SHC4: variants seen among roughly 807,000 people sequenced by gnomAD.
SHC4 encodes the protein SHC adaptor protein 4.
A neutral mutation model predicts 69.4 loss-of-function variants in SHC4; 41 were observed. The ratio of observed to expected loss-of-function variants is 0.59; its 90% CI spans 0.46 to 0.77. SHC4 has a LOEUF of 0.77. Among genes scored for constraint, SHC4 ranks in the 30% least tolerant of loss-of-function variants. The probability of loss-of-function intolerance (pLI) is 0.00; values close to 1 mark genes in which losing one functional copy is unlikely to be tolerated. For synonymous variants in SHC4, 318 were observed against 299.3 expected, an observed-to-expected ratio of 1.06 and a Z score of -0.64; for missense variants, 777 against 783.8, an observed-to-expected ratio of 0.99 and a Z score of 0.10.
chr15:48,958,250 C>T (rs1172393854), intron 1 of SHC4, among the ~76,000 whole-genome samples: 1 of 152,234 alleles, frequency 6.6e-6, no homozygotes, highest in East Asian at 1.9e-4. Flanking sequence ...GGCTATCCTG[C>T]ACAGTGTGGC....
chr15:48,838,946 GT>G (rs1257947053), intron 10 of SHC4, among the ~76,000 whole-genome samples: 1 of 151,862 alleles, frequency 6.6e-6, no homozygotes, highest in African/African-American at 2.4e-5. Context: ...TATAATAGAT[GT>G]TGGATAAAAA....
At chr15:48,831,629 C>G (rs185828901) in intron 11 of SHC4, among the ~76,000 whole-genome samples, 117 of 152,278 alleles carry the variant, frequency 7.7e-4, no homozygotes, top group African/African-American at 2.7e-3. Context: ...TACATATATT[C>G]AAAAATGTTT....
intron 6 of SHC4, among the ~76,000 whole-genome samples, chr15:48,864,213 T>C (rs909413788): frequency 6.6e-6 from 1 of 152,136 alleles, no homozygotes; most frequent in Non-Finnish European, 1.5e-5. Context: ...GCATATGATA[T>C]CTCATTAAAT....
At chr15:48,840,279 C>T (rs535374848) in intron 10 of SHC4, among the ~76,000 whole-genome samples, 1 of 152,292 alleles carries the variant, frequency 6.6e-6, no homozygotes, top group South Asian at 2.1e-4. Flanking sequence ...GCAACTGAGA[C>T]AGAAACTAAC....
Position 48,872,105 on chromosome 15 carries a change from GC to G in SHC4, c.877del (p.Ala293ProfsTer15), listed in dbSNP as rs772662986. 108 of 1,594,066 alleles carry G rather than the reference GC, an allele frequency of 6.8e-5. No individual in the cohort carries two copies. The highest frequency in any genetic ancestry group is 6.0e-6 in the Non-Finnish European group (7 of 1,167,190). On this transcript the variant is annotated frameshift_variant, in exon 5 of 12. Transcript: ENST00000332408. LOFTEE classifies it high-confidence loss of function. ...ANHHMQSISFASGGDPDTTDY... is the reference protein window; with the variant it reads ...ANHHMQSISFXSGGDPDTTDY... ...CATACTTACAGGATCCCCTCCAGAG[GC>G]AAATGAAATAGACTGCATATGATGA... is the stretch of plus-strand genomic sequence containing the variant.
chr15:48,930,255 CAT>C (rs1047361703), intron 1 of SHC4, among the ~76,000 whole-genome samples: 5 of 152,274 alleles, frequency 3.3e-5, no homozygotes, highest in East Asian at 3.9e-4. Context: ...TAAGTGTAAA[CAT>C]ATTTATTTTT....
chr15:48,835,632 A>C (rs1431018404), intron 10 of SHC4, among the ~76,000 whole-genome samples: 3 of 152,180 alleles, frequency 2.0e-5, no homozygotes, highest in Admixed American at 2.0e-4. Context: ...ATGAGGTAAA[A>C]GAAGACAAAT....
At position 48,825,076 on chromosome 15, in the gene SHC4, A is replaced by T. The variant is rs929097332; in HGVS notation, c.*895T>A. 2.6e-5 allele frequency: 4 copies of T among 152,570 alleles called. No homozygotes were observed. Among genetic ancestry groups the T allele is most frequent in the African/African-American group, 9.7e-5 (4 of 41,442 alleles). The allele number at this position is 152,570 out of a possible 1,614,324, so 9.5% of individuals were successfully genotyped here. ...GATTCTGTACTTTTACTAAGAATGAAACCAATTTGAATAGTAAATATGAAG... is the reference window on the plus strand; with the variant it reads ...GATTCTGTACTTTTACTAAGAATGATACCAATTTGAATAGTAAATATGAAG... On this transcript the variant is annotated 3_prime_UTR_variant, in exon 12 of 12. Transcript: ENST00000332408.
intron 9 of SHC4, among the ~76,000 whole-genome samples, chr15:48,845,824 A>G (rs1440013062): frequency 6.6e-6 from 1 of 152,208 alleles, no homozygotes; most frequent in African/African-American, 2.4e-5. Context: ...TTTATTTATC[A>G]TCTACTCTAA....
chr15:48,858,174 G>A (rs1899368657), intron 6 of SHC4, among the ~76,000 whole-genome samples: 1 of 152,208 alleles, frequency 6.6e-6, no homozygotes, highest in Non-Finnish European at 1.5e-5. Context: ...AATCTACACA[G>A]AAGGCGAAGT....
chr15:48,842,484 T>G (rs891000233), intron 10 of SHC4, among the ~76,000 whole-genome samples: 2 of 152,210 alleles, frequency 1.3e-5, no homozygotes, highest in Admixed American at 6.5e-5. Context: ...TTCTAAACCT[T>G]GAAACCTAAA....
intron 3 of SHC4, among the ~76,000 whole-genome samples, chr15:48,886,406 A>C (rs1317595168): frequency 6.6e-5 from 10 of 152,186 alleles, no homozygotes. Context: ...AAATGTCCAA[A>C]ATGTATTTAT....
At chr15:48,848,003 A>T (rs1380869803) in intron 9 of SHC4, among the ~76,000 whole-genome samples, 1 of 147,672 alleles carries the variant, frequency 6.8e-6, no homozygotes, top group African/African-American at 2.5e-5. Flanking sequence ...ACTCCGTCTA[A>T]AAAAAAAAAA....
At chr15:48,861,452 T>C (rs114917791) in intron 6 of SHC4, among the ~76,000 whole-genome samples, 314 of 152,346 alleles carry the variant, frequency 2.1e-3, no homozygotes, top group African/African-American at 7.2e-3. Context: ...TCTATGGAAA[T>C]GGTCTTTTTT....
intron 5 of SHC4, 28 bp downstream of exon 5, chr15:48,872,061 A>G: frequency 6.8e-7 from 1 of 1,471,030 alleles, no homozygotes; most frequent in Non-Finnish European, 9.4e-7. Context: ...TTAACTCATA[A>G]AAAGAACTTC....
chr15:48,857,944 C>T lies in SHC4; in HGVS notation c.947-129G>A, dbSNP rs115453494. On this transcript the variant is annotated intron_variant, in intron 6 of 11. Transcript: ENST00000332408. Reference sequence around the variant, plus strand: ...AGGGAGCAGGATTACAAGCTCTCTGCAGCCATGAAATGATATAAAGAATAC... The same window carrying T: ...AGGGAGCAGGATTACAAGCTCTCTGTAGCCATGAAATGATATAAAGAATAC... 1,547 of 618,140 alleles carry T rather than the reference C, an allele frequency of 2.5e-3. 25 individuals are homozygous for T. The African/African-American group carries it at 0.027, about 11-fold the overall frequency. 38.3% of individuals were successfully genotyped at this position (618,140 alleles called of 1,614,324 possible).
chr15:48,879,821 A>T (rs1362650703), intron 4 of SHC4: 1 of 167,092 alleles, frequency 6.0e-6, no homozygotes, highest in Non-Finnish European at 1.5e-5. Context: ...TTTGGCTAAT[A>T]GTATTGCATA....
At chr15:48,853,112 A>G (rs1042576398) in intron 8 of SHC4, among the ~76,000 whole-genome samples, 3 of 152,120 alleles carry the variant, frequency 2.0e-5, no homozygotes, top group Non-Finnish European at 4.4e-5. Context: ...GGCTCCTGGA[A>G]CTGATAAACT....
intron 1 of SHC4, among the ~76,000 whole-genome samples, chr15:48,955,689 T>C (rs1901441365): frequency 6.6e-6 from 1 of 152,250 alleles, no homozygotes; most frequent in Non-Finnish European, 1.5e-5. Context: ...CTCACTGCTA[T>C]TTTAAGACAA....
Sources: gnomAD v4.1 joint callset for allele counts (sites outside exome capture counted in the v4.1 genomes callset) on GRCh38, gnomAD v4.1.1 for gene constraint, MANE v1.5 for transcripts, NCBI Gene and HGNC (gene_info 2026-07-23, HGNC 2026-07-21) for gene names.